Variants in CSMD1 observed in about 807,000 individuals in gnomAD.
CSMD1 encodes CUB and Sushi multiple domains 1, also known as CUB and sushi domain-containing protein 1.
In CSMD1, 213 loss-of-function variants were observed where a neutral mutation model predicts 417.5. That is an observed-to-expected ratio of 0.51 (90% CI 0.46 to 0.57). The LOEUF (loss-of-function observed/expected upper bound fraction) is 0.57, where lower values mean the gene tolerates loss of function less well. Among genes scored for constraint, CSMD1 ranks in the 20% least tolerant of loss-of-function variants. The pLI is 0.00. For synonymous variants in CSMD1, 2,862 were observed against 1,736.8 expected (o/e 1.65, Z -16.11); for missense variants, 6,923 against 4,529.7 (o/e 1.53, Z -15.17).
chr8:4,299,035 A>G (rs946812847), intron 3 of CSMD1, among the ~76,000 whole-genome samples: 2 of 152,138 alleles, frequency 1.3e-5, no homozygotes, highest in African/African-American at 4.8e-5. Flanking sequence ...GAATAAAAGA[A>G]CTGTAGGAAA....
At chr8:3,564,890 T>C (rs539169850) in intron 10 of CSMD1, among the ~76,000 whole-genome samples, 5 of 151,672 alleles carry the variant, frequency 3.3e-5, no homozygotes, top group African/African-American at 9.7e-5. Flanking sequence ...GACAATGAAA[T>C]AGCTGGCACA....
At chr8:3,441,465 A>G (rs2117062958) in intron 12 of CSMD1, among the ~76,000 whole-genome samples, 1 of 150,476 alleles carries the variant, frequency 6.6e-6, no homozygotes, top group Middle Eastern at 3.5e-3. Context: ...CAAGGAAAAC[A>G]CTTCATTTGC....
chr8:4,235,156 T>G (rs1380535043), intron 3 of CSMD1, among the ~76,000 whole-genome samples: 1 of 152,142 alleles, frequency 6.6e-6, no homozygotes, highest in Non-Finnish European at 1.5e-5. Flanking sequence ...CCACCCACAG[T>G]GTGTGTGATT....
intron 1 of CSMD1, among the ~76,000 whole-genome samples, chr8:4,877,570 C>T (rs929168444): frequency 6.6e-6 from 1 of 151,996 alleles, no homozygotes; most frequent in African/African-American, 2.4e-5. Flanking sequence ...AGCCAGTTAC[C>T]CATGCCATTT....
intron 1 of CSMD1, among the ~76,000 whole-genome samples, chr8:4,671,504 G>C (rs1295081047): frequency 6.6e-6 from 1 of 152,180 alleles, no homozygotes; most frequent in African/African-American, 2.4e-5. Context: ...TAGCAGTGAT[G>C]TCGGCAAAGT....
At chr8:3,274,585 G>A (rs1431229269) in intron 26 of CSMD1, among the ~76,000 whole-genome samples, 1 of 152,058 alleles carries the variant, frequency 6.6e-6, no homozygotes, top group African/African-American at 2.4e-5. Context: ...AGGTCACTCA[G>A]GACTTGCTTT....
chr8:3,732,090 T>A (rs1379210834), intron 6 of CSMD1, among the ~76,000 whole-genome samples: 1 of 152,118 alleles, frequency 6.6e-6, no homozygotes, highest in Non-Finnish European at 1.5e-5. Flanking sequence ...ATAAAATGGA[T>A]GCCACCAGGG....
At chr8:3,851,543 C>T (rs1429888327) in intron 5 of CSMD1, among the ~76,000 whole-genome samples, 2 of 152,124 alleles carry the variant, frequency 1.3e-5, no homozygotes, top group Admixed American at 6.6e-5. Flanking sequence ...GAAAGGTGAG[C>T]CTCTGCACCT....
intron 3 of CSMD1, among the ~76,000 whole-genome samples, chr8:4,072,356 T>C (rs1799603647): frequency 6.6e-6 from 1 of 152,154 alleles, no homozygotes; most frequent in African/African-American, 2.4e-5. Flanking sequence ...CAAATACTAG[T>C]TTTCAATAAT....
At chr8:3,310,602 C>A (rs907704003) in intron 23 of CSMD1, among the ~76,000 whole-genome samples, 14 of 152,212 alleles carry the variant, frequency 9.2e-5, no homozygotes, top group African/African-American at 3.4e-4. Context: ...ATTAGGCACA[C>A]AAAATCGGGG....
rs187191517 is a variant in CSMD1, at chr8:3,967,707, G to T, written c.818+30196C>A. On this transcript the variant is annotated intron_variant, in intron 5 of 69. Coordinates refer to ENST00000635120, the MANE Select transcript of CSMD1 (RefSeq NM_033225.6). ...GGTGAGCTTCAAAGGGAAAATAAGGGAAGTGGGCAAGAGATGAGTCCAACA... is the reference window on the plus strand; with the variant it reads ...GGTGAGCTTCAAAGGGAAAATAAGGTAAGTGGGCAAGAGATGAGTCCAACA... Among the ~76,000 whole-genome samples, 3 of 152,212 alleles carry T rather than the reference G, an allele frequency of 2.0e-5. No homozygotes were observed. The East Asian group carries it at 5.8e-4, about 29-fold the overall frequency.
chr8:4,150,805 A>T (rs756875722), intron 3 of CSMD1, among the ~76,000 whole-genome samples: 1 of 152,184 alleles, frequency 6.6e-6, no homozygotes, highest in Admixed American at 6.5e-5. Context: ...GCACTTGCAG[A>T]GGTGTTGGGA....
At chr8:3,098,213 T>A (rs545319979) in intron 46 of CSMD1, among the ~76,000 whole-genome samples, 2 of 152,358 alleles carry the variant, frequency 1.3e-5, no homozygotes, top group African/African-American at 4.8e-5. Flanking sequence ...CTATAGTTAA[T>A]CACCTTTTCC....
At chr8:4,099,237 T>C (rs73173828) in intron 3 of CSMD1, among the ~76,000 whole-genome samples, 14,458 of 151,730 alleles carry the variant, frequency 0.095, 777 homozygotes, top group Middle Eastern at 0.19. Context: ...TTCTAATTCC[T>C]TCCCTCTTCA....
intron 15 of CSMD1, among the ~76,000 whole-genome samples, chr8:3,399,817 C>T (rs540460523): frequency 2.0e-5 from 3 of 152,146 alleles, no homozygotes; most frequent in Admixed American, 6.5e-5. Context: ...AACTGCTAAC[C>T]ATTTCATTAC....
intron 6 of CSMD1, among the ~76,000 whole-genome samples, chr8:3,718,566 A>G (rs553468946): frequency 1.3e-5 from 2 of 152,316 alleles, no homozygotes; most frequent in East Asian, 3.9e-4. Flanking sequence ...ATGTCGCTTA[A>G]TAGCAGCACT....
intron 5 of CSMD1, among the ~76,000 whole-genome samples, chr8:3,766,772 C>A (rs1036327542): frequency 6.6e-6 from 1 of 151,944 alleles, no homozygotes; most frequent in Admixed American, 6.6e-5. Context: ...CATTAAAAAA[C>A]ACATTTTTCT....
intron 2 of CSMD1, among the ~76,000 whole-genome samples, chr8:4,420,488 A>T (rs887149305): frequency 5.9e-5 from 9 of 152,106 alleles, no homozygotes; most frequent in African/African-American, 2.2e-4. Context: ...CGTCGGTATG[A>T]AGCCCAGCAT....
chr8:4,078,901 ATAT>A (rs1563095016), intron 3 of CSMD1, among the ~76,000 whole-genome samples: 3 of 18,342 alleles, frequency 1.6e-4, no homozygotes, highest in African/African-American at 5.0e-4. Flanking sequence ...TAATAAATAT[ATAT>A]ATATATATAT....
Sources: allele counts gnomAD v4.1 joint callset (sites outside exome capture counted in the v4.1 genomes callset), GRCh38; gene constraint gnomAD v4.1.1; transcripts MANE v1.5; gene names NCBI Gene and HGNC (gene_info 2026-07-23, HGNC 2026-07-21).